LMTK3: variants seen among roughly 807,000 people sequenced by gnomAD.
The protein encoded by LMTK3 is serine/threonine-protein kinase LMTK3.
A neutral mutation model predicts 116.7 loss-of-function variants in LMTK3; 27 were observed. The observed-to-expected ratio is 0.23, with a 90% CI of 0.17 to 0.32. The LOEUF (loss-of-function observed/expected upper bound fraction) is 0.32. LMTK3 is among the 10% of genes least tolerant of loss of function. The pLI, the probability that LMTK3 is intolerant of heterozygous loss-of-function variation, is 1.00. For missense variants in LMTK3, 1,764 were observed against 2,068.5 expected (o/e 0.85, Z 2.86); for synonymous variants, 965 against 971.0 (o/e 0.99, Z 0.11).
At chr19:48,513,086 A>T, upstream of LMTK3, 1 of 1,456,656 alleles carries the variant, frequency 6.9e-7, no homozygotes, top group Non-Finnish European at 9.5e-7. This position sits in a 1 kb window ranked among gnomAD's most constrained non-coding sequence, Gnocchi z 5.6. Context: ...AGAGTCACAC[A>T]CCCACAACAC....
At position 48,499,170 on chromosome 19, in the gene LMTK3, C is replaced by T. The variant is rs1221009681; in HGVS notation, c.1899G>A (p.Gly633=). 4.0e-6 allele frequency: 6 copies of T among 1,497,080 alleles called. No homozygotes were observed. The highest frequency in any genetic ancestry group is 2.1e-5 in the Admixed American group (1 of 46,810). 92.7% of individuals were successfully genotyped at this position (1,497,080 alleles called of 1,614,324 possible). The change falls in exon 11 of 15, where the codon GGG becomes GGA. Residue 633 remains glycine, a synonymous_variant. Transcript: ENST00000600059. ...GDPAEVLGER[G]TAPWVEEEEE... is the part of the protein sequence containing the mutation. ...CTTCTTCTTCCACCCACGGGGCGGTCCCCCGCTCCCCCAAGACCTCGGCAG... is the reference window on the plus strand; with the variant it reads ...CTTCTTCTTCCACCCACGGGGCGGTTCCCCGCTCCCCCAAGACCTCGGCAG...
upstream of LMTK3, chr19:48,513,064 T>A (rs1444378400): frequency 8.4e-7 from 1 of 1,190,056 alleles, no homozygotes; most frequent in South Asian, 1.3e-5. The surrounding 1 kb of genome is among the most constrained non-coding windows in gnomAD (Gnocchi z 5.6). Context: ...CTGGCACACA[T>A]AACACATACA....
In LMTK3 at chr19:48,491,780, A is replaced by G. The variant is rs760263119; in HGVS notation, c.4093-241T>C. The stretch of plus-strand genomic sequence containing the variant: ...TTCCTGACAGCGGAGCCCCGCGCAC[A>G]GCTAAGTAGCCCAACGCAGGGATTC... On this transcript the variant is annotated intron_variant, in intron 12 of 14. Transcript: ENST00000600059. This position sits in a 1 kb window ranked among gnomAD's most constrained non-coding sequence, Gnocchi z 5.1. Among the ~76,000 whole-genome samples the G allele has an allele frequency of 2.6e-5, 4 of 152,168 alleles. No homozygotes were observed. The highest frequency in any genetic ancestry group is 4.4e-5 in the Non-Finnish European group (3 of 68,020).
At chr19:48,509,609 A>G (rs899611067) in intron 3 of LMTK3, 96 bp from the exon 4 acceptor site, 5 of 1,029,604 alleles carry the variant, frequency 4.9e-6, no homozygotes, top group Non-Finnish European at 7.0e-6. Flanking sequence ...CAGAGCAGAC[A>G]TCACTCTCTT....
rs749973534 is a variant in LMTK3, at chr19:48,491,205, G to T, written c.4269C>A (p.Pro1423=). The change falls in exon 14 of 15, where the codon CCC becomes CCA. Residue 1423 remains proline, a synonymous_variant. Coordinates refer to ENST00000600059, the MANE Select transcript of LMTK3 (RefSeq NM_001388485.1). The surrounding 1 kb of genome is among the most constrained non-coding windows in gnomAD (Gnocchi z 5.1). ...AGAAGCACAGCGGGGGGCCTGGAGG[G>T]GGGAGGAGGGGGAAATCCTCCGCCC... ...FEWAEDFPLL[P]PPGPPLCFSR... The T allele has an allele frequency of 3.6e-6, 5 of 1,406,668 alleles. No homozygotes were observed. In the East Asian group the frequency reaches 8.4e-5, roughly 24 times the overall value. 87.1% of individuals were successfully genotyped at this position (1,406,668 alleles called of 1,614,324 possible).
rs1400803869 is a variant in LMTK3, at chr19:48,499,687, T to A, written c.1382A>T (p.Asp461Val). 6.6e-7 allele frequency: 1 copy of A among 1,522,778 alleles called. No individual in the cohort carries two copies. The highest frequency in any genetic ancestry group is 8.8e-7 in the Non-Finnish European group (1 of 1,132,244). 94.3% of individuals were successfully genotyped at this position (1,522,778 alleles called of 1,614,324 possible). A position where few individuals can be genotyped will look rare whatever the true frequency, so the allele number is the denominator to read the frequency against. Residue 461 changes from aspartate to valine, a missense_variant, in exon 11 of 15, where the codon GAC becomes GTC. By Grantham distance (152) the Asp-to-Val change is radical. Transcript: ENST00000600059. The part of the protein sequence containing the change: ...FPLLDGFPGA[D>V]PDDVLTVTES... Reference sequence around the variant, plus strand: ...GGTGACCGTGAGCACATCGTCGGGGTCGGCTCCAGGGAAGCCATCCAGTAG... The same window carrying A: ...GGTGACCGTGAGCACATCGTCGGGGACGGCTCCAGGGAAGCCATCCAGTAG...
chr19:48,505,103 C>CTCTTT (rs1555901916), intron 5 of LMTK3, among the ~76,000 whole-genome samples: 1 of 55,572 alleles, frequency 1.8e-5, no homozygotes, highest in Non-Finnish European at 2.9e-5. Flanking sequence ...CTCTCTCTCT[C>CTCTTT]TTTTTTTTTT....
chr19:48,485,605 CG>C lies in LMTK3; in HGVS notation c.*167del. ...TCTGGGGGGCTGGGGGGCGGGGGCC[CG>C]GGGCCTCCCGTTTGGCACATGGTAG... On this transcript the variant is annotated 3_prime_UTR_variant, in exon 15 of 15. Coordinates refer to ENST00000600059, the MANE Select transcript of LMTK3 (RefSeq NM_001388485.1). 1 of 614,520 alleles carries C rather than the reference CG, an allele frequency of 1.6e-6. No individual in the cohort carries two copies. Among genetic ancestry groups the C allele is most frequent in the Non-Finnish European group, 2.6e-6 (1 of 388,650 alleles). 38.1% of individuals were successfully genotyped at this position (614,520 alleles called of 1,614,324 possible).
At position 48,498,816 on chromosome 19, in the gene LMTK3, G is replaced by A. The variant is rs1162643814; in HGVS notation, c.2253C>T (p.Pro751=). 5 of 1,232,016 alleles carry A rather than the reference G, an allele frequency of 4.1e-6. No homozygotes were observed. The highest frequency in any genetic ancestry group is 3.1e-5 in the East Asian group (1 of 31,774). The allele number at this position is 1,232,016 out of a possible 1,614,324, so 76.3% of individuals were successfully genotyped here. A position where few individuals can be genotyped will look rare whatever the true frequency, so the allele number is the denominator to read the frequency against. ...GAGGTGGCGGCGGGGGGGGGGGAGC[G>A]GGAGGTGGCCCCCGCCCGGGGTACT... ...APQYPGRGPP[P]APPPPPPPPR... The change falls in exon 11 of 15, where the codon CCC becomes CCT. Residue 751 remains proline (P), a synonymous_variant. Coordinates refer to ENST00000600059, the MANE Select transcript of LMTK3 (RefSeq NM_001388485.1).
Position 48,498,312 on chromosome 19 carries a change from C to G in LMTK3, c.2757G>C (p.Leu919=). The G allele has an allele frequency of 6.2e-7, 1 of 1,613,236 alleles. No homozygotes were observed. Among genetic ancestry groups the G allele is most frequent in the African/African-American group, 1.3e-5 (1 of 74,964 alleles). ...CTGTCACCCCGTTCACTGGGAGGCT[C>G]AGGCTTGGGGCTTGTTTCCCGTTGC... The part of the protein sequence containing the change: ...VLGNGKQAPS[L]SLPVNGVTVL... The change falls in exon 11 of 15, where the codon CTG becomes CTC. Residue 919 remains leucine (L), a synonymous_variant. Transcript: ENST00000600059.
chr19:48,485,846 C>A, intron 14 of LMTK3, 57 bp from the exon 15 acceptor site: 1 of 1,548,054 alleles, frequency 6.5e-7, no homozygotes, highest in Non-Finnish European at 8.8e-7. Context: ...AGCCTCATGG[C>A]TTCTAGGTCA....
At chr19:48,488,029 G>A (rs549406230) in intron 14 of LMTK3, among the ~76,000 whole-genome samples, 6 of 152,080 alleles carry the variant, frequency 3.9e-5, no homozygotes, top group Non-Finnish European at 8.8e-5. Context: ...CGCAGCCCAC[G>A]CTGCCGCAGG....
Position 48,498,758 on chromosome 19 carries a change from C to G in LMTK3, c.2311G>C (p.Asp771His), listed in dbSNP as rs1267564849. ...RAPADPAASP[D>H]PPSAVASPGS... ...GGACTGGCCACGGCCGAAGGGGGGT[C>G]GGGGGACGCGGCCGGGTCCGCGGGG... is the stretch of plus-strand genomic sequence containing the variant. The change falls in exon 11 of 15, where the codon GAC becomes CAC. Residue 771 changes from aspartate to histidine, a missense_variant. Asp to His is a moderately conservative substitution (Grantham distance 81, BLOSUM62 -1). This residue lies in a region of LMTK3 where 1,028 missense variants were observed against 1,050.6 expected (regional missense o/e 0.98). Coordinates refer to ENST00000600059, the MANE Select transcript of LMTK3 (RefSeq NM_001388485.1). The G allele has an allele frequency of 6.4e-6, 6 of 937,934 alleles. No homozygotes were observed. In the South Asian group the frequency reaches 1.2e-4, roughly 19 times the overall value. The allele number at this position is 937,934 out of a possible 1,614,324, so 58.1% of individuals were successfully genotyped here. A position where few individuals can be genotyped will look rare whatever the true frequency, so the allele number is the denominator to read the frequency against.
intron 14 of LMTK3, among the ~76,000 whole-genome samples, chr19:48,488,179 C>T (rs1972158011): frequency 6.6e-6 from 1 of 152,140 alleles, no homozygotes; most frequent in African/African-American, 2.4e-5. Flanking sequence ...GGCAGTGTCC[C>T]CATACCCTGG....
chr19:48,499,496 G>A lies in LMTK3; in HGVS notation c.1573C>T (p.Pro525Ser). The change falls in exon 11 of 15, where the codon CCT becomes TCT. Residue 525 changes from proline (P) to serine (S), a missense_variant. Coordinates refer to ENST00000600059, the MANE Select transcript of LMTK3 (RefSeq NM_001388485.1). ...YEALSTPSVL[P>S]VISARSPSVS... is the part of the protein sequence containing the mutation. ...GAGGGGCTGCGGGCGCTGATGACAG[G>A]CAGCACGCTGGGCGTGGACAGCGCC... 1 of 1,467,586 alleles carries A rather than the reference G, an allele frequency of 6.8e-7. No individual in the cohort carries two copies. The highest frequency in any genetic ancestry group is 9.0e-7 in the Non-Finnish European group (1 of 1,108,666). 90.9% of individuals were successfully genotyped at this position (1,467,586 alleles called of 1,614,324 possible).
chr19:48,490,545 A>T (rs1972203548), intron 14 of LMTK3, among the ~76,000 whole-genome samples: 1 of 151,910 alleles, frequency 6.6e-6, no homozygotes, highest in Middle Eastern at 3.4e-3. Context: ...AAAAAAAAAA[A>T]AAAATGAGGA....
At chr19:48,510,639 T>C (rs1972641398) in intron 1 of LMTK3, 47 bp from the exon 2 acceptor site, 1 of 1,495,914 alleles carries the variant, frequency 6.7e-7, no homozygotes, top group African/African-American at 1.4e-5. Flanking sequence ...AGTCCCTGGA[T>C]ACCGGAATCA....
rs143507294 is a variant in LMTK3 at position 48,497,311 on chromosome 19, G to T, written c.3676+82C>A. ...GCATTCATCACTGCCAGCCCGACCC[G>T]ACATGTTTACCCACACTCACCCTCC... On this transcript the variant is annotated intron_variant, in intron 11 of 14. Transcript: ENST00000600059. The surrounding 1 kb of genome is among the most constrained non-coding windows in gnomAD (Gnocchi z 5.7). 910 of 1,359,556 alleles carry T rather than the reference G, an allele frequency of 6.7e-4. 8 individuals are homozygous for T. In the African/African-American group the frequency reaches 0.012, roughly 18 times the overall value. 84.2% of individuals were successfully genotyped at this position (1,359,556 alleles called of 1,614,324 possible). A position where few individuals can be genotyped will look rare whatever the true frequency, so the allele number is the denominator to read the frequency against.
intron 12 of LMTK3, 88 bp downstream of exon 12, chr19:48,493,606 C>T: frequency 3.5e-6 from 5 of 1,429,186 alleles, no homozygotes; most frequent in South Asian, 1.4e-5. Flanking sequence ...CAACTCTAAG[C>T]TCGGCCTCCC....
Sources: allele counts gnomAD v4.1 joint callset (sites outside exome capture counted in the v4.1 genomes callset), GRCh38; gene constraint gnomAD v4.1.1; regional missense constraint gnomAD v4.1.1; non-coding constraint Gnocchi (gnomAD v3.1); transcripts MANE v1.5; gene names NCBI Gene and HGNC (gene_info 2026-07-23, HGNC 2026-07-21).